Variants in NFYC observed in about 807,000 individuals in gnomAD.
NFYC encodes nuclear transcription factor Y subunit gamma, also known as CAAT box DNA-binding protein subunit C.
NFYC carries 25 observed loss-of-function variants against 53.1 expected under a neutral mutation model. The observed-to-expected ratio is 0.47, with a 90% CI of 0.34 to 0.66. The LOEUF (loss-of-function observed/expected upper bound fraction) is 0.66. NFYC is among the 30% of genes least tolerant of loss of function. The probability of loss-of-function intolerance (pLI) is 0.01; values close to 1 mark genes in which losing one functional copy is unlikely to be tolerated. For synonymous variants in NFYC, 145 were observed against 152.6 expected (o/e 0.95, Z 0.37); for missense variants, 260 against 422.7 (o/e 0.62, Z 3.38).
intron 5 of NFYC, chr1:40,757,837 T>TA: frequency 3.9e-6 from 2 of 511,272 alleles, no homozygotes; most frequent in South Asian, 4.2e-5. Flanking sequence ...GGTTTTTAGT[T>TA]ACGGTACTTA....
intron 2 of NFYC, among the ~76,000 whole-genome samples, chr1:40,740,748 G>A (rs1253304019): frequency 6.6e-6 from 1 of 152,158 alleles, no homozygotes; most frequent in Non-Finnish European, 1.5e-5. Context: ...TTTTGGTGCT[G>A]GGGTCAGCTT....
chr1:40,757,999 T>C, intron 5 of NFYC, 122 bp from the exon 6 acceptor site: 1 of 1,042,694 alleles, frequency 9.6e-7, no homozygotes, highest in African/African-American at 1.6e-5. Flanking sequence ...GCTTCAAATG[T>C]GGAGAGCTCA....
At chr1:40,725,026 T>C (rs1644460129) in intron 1 of NFYC, among the ~76,000 whole-genome samples, 1 of 152,222 alleles carries the variant, frequency 6.6e-6, no homozygotes, top group African/African-American at 2.4e-5. Flanking sequence ...AGCTATGTTA[T>C]TCATTCTTGT....
intron 1 of NFYC, among the ~76,000 whole-genome samples, chr1:40,700,270 GTGT>G (rs892454906): frequency 3.9e-5 from 6 of 152,156 alleles, no homozygotes; most frequent in African/African-American, 1.4e-4. Flanking sequence ...ATCAAGCACA[GTGT>G]TGTTATTCTA....
intron 2 of NFYC, among the ~76,000 whole-genome samples, chr1:40,741,600 CT>C (rs889135776): frequency 7.2e-4 from 103 of 143,770 alleles, no homozygotes; most frequent in Non-Finnish European, 7.2e-4. Context: ...TATCTTTTTT[CT>C]TTTTTTTTTT....
chr1:40,739,009 AT>A (rs1168880955), intron 2 of NFYC, 61 bp downstream of exon 2: 8 of 1,209,426 alleles, frequency 6.6e-6, no homozygotes, highest in African/African-American at 1.5e-5. Flanking sequence ...GCTCTGGGAA[AT>A]TAACCAAAAC....
intron 8 of NFYC, among the ~76,000 whole-genome samples, chr1:40,768,227 CCACAGAG>C (rs2148810635): frequency 6.6e-6 from 1 of 152,306 alleles, no homozygotes; most frequent in East Asian, 1.9e-4. Context: ...ATCCTGCTGG[CCACAGAG>C]CAGTTAACCT....
At chr1:40,732,831 C>T (rs1229707943) in intron 1 of NFYC, among the ~76,000 whole-genome samples, 1 of 152,166 alleles carries the variant, frequency 6.6e-6, no homozygotes, top group Admixed American at 6.5e-5. Context: ...TCCTTTCTGT[C>T]ATCCCCTTTT....
At chr1:40,741,705 C>T (rs984747386) in intron 2 of NFYC, among the ~76,000 whole-genome samples, 8 of 150,728 alleles carry the variant, frequency 5.3e-5, no homozygotes, top group Non-Finnish European at 1.0e-4. Flanking sequence ...CAGGCTCAAG[C>T]GATCCTCCCG....
chr1:40,743,442 C>G (rs1181102368), intron 2 of NFYC, among the ~76,000 whole-genome samples: 1 of 152,242 alleles, frequency 6.6e-6, no homozygotes, highest in African/African-American at 2.4e-5. Flanking sequence ...AAAGAGAAAG[C>G]TAACTTTGTC....
At position 40,749,649 on chromosome 1, in the gene NFYC, G is replaced by A; in HGVS notation, c.254G>A (p.Trp85Ter). Reference sequence around the variant, plus strand: ...ATCACAGAGTTGACTCTTCGAGCCTGGATTCACACAGAAGATAACAAGCGC... The same window carrying A: ...ATCACAGAGTTGACTCTTCGAGCCTAGATTCACACAGAAGATAACAAGCGC... ...IFITELTLRA[W>*]IHTEDNKRRT... is the part of the protein sequence containing the mutation. Residue 85 changes from tryptophan to a stop codon, truncating the protein, a stop_gained, in exon 4 of 10, where the codon TGG becomes TAG. Transcript: ENST00000447388. LOFTEE classifies it high-confidence loss of function. The A allele has an allele frequency of 6.2e-7, 1 of 1,614,116 alleles. No individual in the cohort carries two copies. Among genetic ancestry groups the A allele is most frequent in the Non-Finnish European group, 8.5e-7 (1 of 1,179,996 alleles).
chr1:40,698,989 C>T (rs560484155), intron 1 of NFYC, among the ~76,000 whole-genome samples: 14 of 152,074 alleles, frequency 9.2e-5, no homozygotes, highest in Admixed American at 4.6e-4. Flanking sequence ...ATGGTGAAAT[C>T]CCATCTCTAC....
chr1:40,746,115 C>A (rs1645594410), intron 2 of NFYC, among the ~76,000 whole-genome samples: 2 of 152,150 alleles, frequency 1.3e-5, no homozygotes, highest in Admixed American at 1.3e-4. Flanking sequence ...ATAGAATGAA[C>A]CTGCGCTACT....
intron 3 of NFYC, 58 bp downstream of exon 3, chr1:40,747,663 T>A (rs1645683039): frequency 8.9e-7 from 1 of 1,119,826 alleles, no homozygotes; most frequent in African/African-American, 1.5e-5. Context: ...GGTAGGTTAT[T>A]GCTCATTTCT....
At chr1:40,713,443 T>C (rs1570376754) in intron 1 of NFYC, among the ~76,000 whole-genome samples, 1 of 152,242 alleles carries the variant, frequency 6.6e-6, no homozygotes, top group South Asian at 2.1e-4. Context: ...TAAAACAAGA[T>C]GAGGTCTCCC....
At chr1:40,762,749 G>A in intron 6 of NFYC, 139 bp from the exon 7 acceptor site, 5 of 727,918 alleles carry the variant, frequency 6.9e-6, no homozygotes, top group Non-Finnish European at 1.0e-5. Context: ...GACTCTGTAG[G>A]TTATTACTAG....
chr1:40,749,516 CAG>C, intron 3 of NFYC, 55 bp from the exon 4 acceptor site: 1 of 1,382,094 alleles, frequency 7.2e-7, no homozygotes, highest in South Asian at 1.2e-5. Flanking sequence ...AGGCAAGAGA[CAG>C]ACTGGTTTGC....
chr1:40,731,943 C>T (rs1644795120), intron 1 of NFYC, among the ~76,000 whole-genome samples: 1 of 152,158 alleles, frequency 6.6e-6, no homozygotes, highest in Non-Finnish European at 1.5e-5. Context: ...TGTCAATTAG[C>T]CTTTGGTAAA....
At chr1:40,701,997 T>G (rs10889577) in intron 1 of NFYC, among the ~76,000 whole-genome samples, 47,463 of 152,014 alleles carry the variant, frequency 0.31, 8,075 homozygotes, top group East Asian at 0.41. Flanking sequence ...CATGTTGCCT[T>G]TACACATCCC....
Sources: gnomAD v4.1 joint callset for allele counts (sites outside exome capture counted in the v4.1 genomes callset) on GRCh38, gnomAD v4.1.1 for gene constraint, MANE v1.5 for transcripts, NCBI Gene and HGNC (gene_info 2026-07-23, HGNC 2026-07-21) for gene names.